The following MTRES1 variants were observed in gnomAD, a reference collection of about 807,000 sequenced individuals.
The protein encoded by MTRES1 is uncharacterized protein C6orf203.
In MTRES1, 11 loss-of-function variants were observed where a neutral mutation model predicts 17.4. The ratio of observed to expected loss-of-function variants is 0.63; its 90% CI spans 0.40 to 1.05. The LOEUF is 1.05. Among genes scored for constraint, MTRES1 ranks in the 50% least tolerant of loss-of-function variants. The probability of loss-of-function intolerance (pLI) is 0.00; values close to 1 mark genes in which losing one functional copy is unlikely to be tolerated. For synonymous variants in MTRES1, 94 were observed against 99.6 expected (o/e 0.94, Z 0.34); for missense variants, 268 against 276.2 (o/e 0.97, Z 0.21).
intron 1 of MTRES1, among the ~76,000 whole-genome samples, chr6:107,036,522 C>A (rs1185437231): frequency 6.7e-6 from 1 of 150,284 alleles, no homozygotes; most frequent in Admixed American, 6.7e-5. Context: ...CCTGGGCAAA[C>A]AAGAGCGAAA....
intron 1 of MTRES1, among the ~76,000 whole-genome samples, chr6:107,038,842 G>A (rs1397968832): frequency 6.6e-6 from 1 of 152,182 alleles, no homozygotes; most frequent in East Asian, 1.9e-4. Flanking sequence ...ATCACCTGAG[G>A]TTGGGAGTTC....
chr6:107,043,112 A>G (rs991382862), intron 2 of MTRES1, among the ~76,000 whole-genome samples: 1 of 152,068 alleles, frequency 6.6e-6, no homozygotes, highest in Admixed American at 6.6e-5. Flanking sequence ...TGGGCGGATC[A>G]TGAGGTCAGG....
chr6:107,044,226 A>G, intron 2 of MTRES1, 34 bp from the exon 3 acceptor site: 1 of 1,559,024 alleles, frequency 6.4e-7, no homozygotes, highest in Non-Finnish European at 8.8e-7. Context: ...CATCACCCAA[A>G]TTGTGTACAT....
rs142660858 is a variant in MTRES1 at position 107,049,539 on chromosome 6, G to A, written c.544-1518G>A. On this transcript the variant is annotated intron_variant, in intron 3 of 3. Coordinates refer to ENST00000311381, the MANE Select transcript of MTRES1 (RefSeq NM_016487.5). ...TGCCATTCTTCTGTCTCAGCCTCCC[G>A]AGTAGCTAGAACTACAGGCGCCCGC... 3.8e-3 allele frequency among the ~76,000 whole-genome samples: 568 copies of A among 147,618 alleles called. 5 individuals carry two copies. The East Asian group carries it at 0.041, about 11-fold the overall frequency.
intron 3 of MTRES1, among the ~76,000 whole-genome samples, chr6:107,049,460 C>T (rs530118993): frequency 1.5e-5 from 2 of 133,190 alleles, no homozygotes; most frequent in South Asian, 2.4e-4. Flanking sequence ...GTCGCCCAGG[C>T]TGGAGTGCAG....
At chr6:107,032,202 A>G (rs1305227473) in intron 1 of MTRES1, among the ~76,000 whole-genome samples, 2 of 152,166 alleles carry the variant, frequency 1.3e-5, no homozygotes, top group African/African-American at 4.8e-5. Context: ...GAATGAGACA[A>G]AAGTAACAGC....
At chr6:107,040,327 AC>A in intron 2 of MTRES1, 97 bp downstream of exon 2, 1 of 1,134,238 alleles carries the variant, frequency 8.8e-7, no homozygotes, top group Non-Finnish European at 1.2e-6. Context: ...GTGAAGAATA[AC>A]CACAATAAAA....
chr6:107,043,382 A>G (rs1774285402), intron 2 of MTRES1, among the ~76,000 whole-genome samples: 1 of 152,092 alleles, frequency 6.6e-6, no homozygotes, highest in African/African-American at 2.4e-5. Flanking sequence ...ACTTGTATAC[A>G]GTTGATGCTT....
chr6:107,037,927 C>T (rs1393388738), intron 1 of MTRES1, among the ~76,000 whole-genome samples: 1 of 152,146 alleles, frequency 6.6e-6, no homozygotes, highest in African/African-American at 2.4e-5. Context: ...TCATGTTGGC[C>T]AGGCTGGTCT....
rs1554226744 is a variant in MTRES1, at chr6:107,034,468, A to AAAG, written c.-12-5280_-12-5279insAGA. On this transcript the variant is annotated intron_variant, in intron 1 of 3. Transcript: ENST00000311381. The stretch of plus-strand genomic sequence containing the variant: ...GTGAGTTTTTATTCCAGAAAAAAAA[A>AAAG]AGGAAAATAGATGTCAGGGTGTGGA... Among the ~76,000 whole-genome samples the AAAG allele has an allele frequency of 1.3e-3, 190 of 151,464 alleles. 2 individuals carry two copies. In the East Asian group the frequency reaches 0.027, roughly 22 times the overall value.
At chr6:107,035,600 T>A (rs879985575) in intron 1 of MTRES1, among the ~76,000 whole-genome samples, 10 of 152,190 alleles carry the variant, frequency 6.6e-5, no homozygotes, top group Non-Finnish European at 1.2e-4. Flanking sequence ...TTGTGAAGGA[T>A]CTATGCCAAA....
chr6:107,047,430 G>C lies in MTRES1; in HGVS notation c.543+3098G>C, dbSNP rs968189122. On this transcript the variant is annotated intron_variant, in intron 3 of 3. Coordinates refer to ENST00000311381, the MANE Select transcript of MTRES1 (RefSeq NM_016487.5). Reference sequence around the variant, plus strand: ...AGACAGGGTCTCACTGTGTGGTCCAGGCTGGTCTTAAACTCCTGACCTCAA... The same window carrying C: ...AGACAGGGTCTCACTGTGTGGTCCACGCTGGTCTTAAACTCCTGACCTCAA... Among the ~76,000 whole-genome samples, 5 of 151,608 alleles carry C rather than the reference G, an allele frequency of 3.3e-5. No homozygotes were observed. In the South Asian group the frequency reaches 1.0e-3, roughly 32 times the overall value.
At position 107,037,442 on chromosome 6, in the gene MTRES1, C is replaced by T. The variant is rs564944775; in HGVS notation, c.-12-2307C>T. On this transcript the variant is annotated intron_variant, in intron 1 of 3. Coordinates refer to ENST00000311381, the MANE Select transcript of MTRES1 (RefSeq NM_016487.5). ...GCCAGGCTGGTCTTGAACTCCTCAC[C>T]TCAAGTGATCCTCCCTCCTTGGACT... is the stretch of plus-strand genomic sequence containing the variant. 2.6e-5 allele frequency among the ~76,000 whole-genome samples: 4 copies of T among 152,162 alleles called. No homozygotes were observed. The East Asian group carries it at 7.8e-4, about 30-fold the overall frequency.
At chr6:107,043,054 G>C (rs1311774067) in intron 2 of MTRES1, among the ~76,000 whole-genome samples, 1 of 152,114 alleles carries the variant, frequency 6.6e-6, no homozygotes, top group Admixed American at 6.6e-5. Context: ...ATGGAGGGCC[G>C]GGTGCGGTGG....
In MTRES1 at chr6:107,040,006, A is replaced by G. The variant is rs547429734; in HGVS notation, c.246A>G (p.Val82=). The change falls in exon 2 of 4, where the codon GTA becomes GTG. Residue 82 remains valine, a synonymous_variant. Transcript: ENST00000311381. ...CAGAATGTATTTTTCCTTTTTCCGT[A>G]AGACTCAAAAGTAATATAAGGTCTA... ...LSPECIFPFS[V]RLKSNIRSTK... is the part of the protein sequence containing the mutation. 1.1e-5 allele frequency: 18 copies of G among 1,613,600 alleles called. No individual in the cohort carries two copies. The South Asian group carries it at 1.8e-4, about 16-fold the overall frequency.
At chr6:107,032,436 G>T (rs912499200) in intron 1 of MTRES1, among the ~76,000 whole-genome samples, 2 of 152,098 alleles carry the variant, frequency 1.3e-5, no homozygotes, top group South Asian at 2.1e-4. Context: ...GCCTGAGCTG[G>T]GTGCAGTGGA....
intron 2 of MTRES1, among the ~76,000 whole-genome samples, chr6:107,042,359 G>C (rs978715347): frequency 6.7e-5 from 8 of 118,582 alleles, no homozygotes; most frequent in African/African-American, 2.6e-4. Flanking sequence ...AAAAAAAAAG[G>C]TTCATAAAAA....
intron 1 of MTRES1, among the ~76,000 whole-genome samples, chr6:107,034,142 G>A (rs893916283): frequency 2.0e-5 from 3 of 152,162 alleles, no homozygotes; most frequent in Admixed American, 6.6e-5. Flanking sequence ...GCAAGGAAAG[G>A]TTTCCTAATG....
chr6:107,043,175 C>T (rs543155176), intron 2 of MTRES1, among the ~76,000 whole-genome samples: 36 of 150,880 alleles, frequency 2.4e-4, no homozygotes, highest in Non-Finnish European at 4.9e-4. Context: ...ACTAAAAATA[C>T]AAAAAAAAAT....
Sources: allele counts gnomAD v4.1 joint callset (sites outside exome capture counted in the v4.1 genomes callset), GRCh38; gene constraint gnomAD v4.1.1; transcripts MANE v1.5; gene names NCBI Gene and HGNC (gene_info 2026-07-23, HGNC 2026-07-21).